NPIPB7: variants seen among roughly 807,000 people sequenced by gnomAD.
The protein encoded by NPIPB7 is nuclear pore complex-interacting protein family member B7.
For synonymous variants in NPIPB7, 9 were observed against 88.1 expected (o/e 0.10, Z 5.03); for missense variants, 14 against 238.5 (o/e 0.06, Z 6.20).
intron 1 of NPIPB7, among the ~76,000 whole-genome samples, chr16:28,470,011 A>C (rs1289874121): frequency 8.1e-5 from 12 of 147,558 alleles, no homozygotes; most frequent in Non-Finnish European, 1.2e-4. Flanking sequence ...GATGACACAA[A>C]TCAAATGACA....
intron 2 of NPIPB7, among the ~76,000 whole-genome samples, chr16:28,463,386 G>GTCTC (rs1209886918): frequency 1.2e-5 from 1 of 82,258 alleles, no homozygotes; most frequent in Non-Finnish European, 2.5e-5. Flanking sequence ...ATGAGACTCT[G>GTCTC]TCTCACACAC....
chr16:28,461,941 C>T (rs1797918752), intron 4 of NPIPB7, among the ~76,000 whole-genome samples: 2 of 121,254 alleles, frequency 1.6e-5, no homozygotes, highest in Admixed American at 9.3e-5. Flanking sequence ...GAGTGAGACT[C>T]TGTCTCAAAA....
At chr16:28,469,978 A>G (rs2045932411) in intron 1 of NPIPB7, among the ~76,000 whole-genome samples, 1 of 148,932 alleles carries the variant, frequency 6.7e-6, no homozygotes, top group South Asian at 2.1e-4. Context: ...TCTAAAAAAA[A>G]AAAAAAAAAA....
intron 1 of NPIPB7, among the ~76,000 whole-genome samples, chr16:28,469,139 A>G (rs1317329158): frequency 8.8e-6 from 1 of 113,260 alleles, no homozygotes; most frequent in African/African-American, 2.6e-5. Flanking sequence ...CAACAATGGT[A>G]ATGATTTCAG....
intron 2 of NPIPB7, among the ~76,000 whole-genome samples, chr16:28,464,826 GT>G (rs1247882247): frequency 1.3e-5 from 2 of 149,334 alleles, no homozygotes; most frequent in African/African-American, 5.0e-5. Context: ...TGTAGAATTT[GT>G]TTTTTCCTGA....
At chr16:28,468,373 G>A (rs2045917877) in intron 1 of NPIPB7, among the ~76,000 whole-genome samples, 1 of 141,358 alleles carries the variant, frequency 7.1e-6, no homozygotes, top group Non-Finnish European at 1.6e-5. Flanking sequence ...TATATCACAT[G>A]GTAAAAGAAT....
At chr16:28,470,897 CCTT>C (rs2045946172), upstream of NPIPB7, among the ~76,000 whole-genome samples, 2 of 115,192 alleles carry the variant, frequency 1.7e-5, no homozygotes, top group African/African-American at 3.2e-5. Context: ...ATCCGCCAAA[CCTT>C]CTTCGGTCTG....
chr16:28,467,033 T>TG, intron 1 of NPIPB7, 131 bp from the exon 2 acceptor site: 1 of 265,070 alleles, frequency 3.8e-6, no homozygotes, highest in Non-Finnish European at 6.9e-6. Context: ...CACCGTGGGA[T>TG]TCCACTGCTA....
At chr16:28,465,276 G>A (rs1470069375) in intron 2 of NPIPB7, among the ~76,000 whole-genome samples, 5 of 73,778 alleles carry the variant, frequency 6.8e-5, no homozygotes, top group Non-Finnish European at 1.2e-4. Flanking sequence ...ATTTGAGGTC[G>A]GGTTTTGAGA....
intron 4 of NPIPB7, among the ~76,000 whole-genome samples, chr16:28,462,124 A>T (rs79036982): frequency 0.034 from 1,740 of 51,430 alleles, 95 homozygotes; most frequent in African/African-American, 0.096. Context: ...CTCAAAATTT[A>T]AAAAAAAAAA....
chr16:28,471,920 C>G (rs1023625201), upstream of NPIPB7, among the ~76,000 whole-genome samples: 4 of 152,150 alleles, frequency 2.6e-5, no homozygotes, highest in Admixed American at 6.5e-5. Flanking sequence ...GTCCCAGATA[C>G]TTGGTAGGCT....
At chr16:28,470,467 C>G in exon 1 of NPIPB7, 1 of 1,479,350 alleles carries the variant, frequency 6.8e-7, no homozygotes. Context: ...TGCCCTGAGG[C>G]GGCCAGGACA....
chr16:28,463,420 C>CAA lies in NPIPB7; in HGVS notation c.250-340_250-339insTT, dbSNP rs1430159480. ...ACACACACACACACACACACACACA[C>CAA]ACACACACACACAAGAATGACATGA... On this transcript the variant is annotated intron_variant, in intron 2 of 6. Coordinates refer to ENST00000452313, the Ensembl canonical transcript of NPIPB7. Among the ~76,000 whole-genome samples the CAA allele has an allele frequency of 7.8e-5, 9 of 115,682 alleles. No homozygotes were observed. In the Admixed American group the frequency reaches 8.1e-4, roughly 10 times the overall value. The allele number at this position is 115,682 out of a possible 152,430, so 75.9% of individuals were successfully genotyped here.
chr16:28,461,208 TC>T (rs1468427840), intron 4 of NPIPB7, among the ~76,000 whole-genome samples: 1 of 150,670 alleles, frequency 6.6e-6, no homozygotes, highest in Admixed American at 6.6e-5. Flanking sequence ...CGTACTGAAA[TC>T]CACTGGCTCT....
At chr16:28,461,920 C>T (rs2045872569) in intron 4 of NPIPB7, among the ~76,000 whole-genome samples, 1 of 138,882 alleles carries the variant, frequency 7.2e-6, no homozygotes, top group Non-Finnish European at 1.5e-5. Flanking sequence ...TGCACTCTAG[C>T]CTGGGTGACA....
At chr16:28,472,275 G>C (rs1049310459), upstream of NPIPB7, among the ~76,000 whole-genome samples, 3 of 152,176 alleles carry the variant, frequency 2.0e-5, no homozygotes, top group East Asian at 5.8e-4. Flanking sequence ...AAGGTAGCTG[G>C]GTGTGGTGGC....
At chr16:28,472,241 C>T (rs1385706979), upstream of NPIPB7, among the ~76,000 whole-genome samples, 2 of 151,726 alleles carry the variant, frequency 1.3e-5, no homozygotes, top group African/African-American at 2.4e-5. Context: ...AGTGAGACAC[C>T]GTCTCTACCA....
intron 2 of NPIPB7, among the ~76,000 whole-genome samples, chr16:28,463,595 G>A (rs2045885612): frequency 6.8e-6 from 1 of 146,054 alleles, no homozygotes; most frequent in South Asian, 2.2e-4. Context: ...GCATGGTGGT[G>A]CATGCCTGTA....
chr16:28,464,091 TCAA>T, intron 2 of NPIPB7, among the ~76,000 whole-genome samples: 1 of 124,154 alleles, frequency 8.1e-6, no homozygotes, highest in Non-Finnish European at 1.7e-5. Context: ...ACTGTACACT[TCAA>T]CACGGTTAGA....
Sources: gnomAD v4.1 joint callset for allele counts (sites outside exome capture counted in the v4.1 genomes callset) on GRCh38, gnomAD v4.1.1 for gene constraint, MANE v1.5 for transcripts, NCBI Gene and HGNC (gene_info 2026-07-23, HGNC 2026-07-21) for gene names.